Variants in ZCCHC24 observed in about 807,000 individuals in gnomAD.
ZCCHC24 encodes the protein zinc finger CCHC-type containing 24, also known as zinc finger CCHC domain-containing protein 24.
In ZCCHC24, 10 loss-of-function variants were observed where a neutral mutation model predicts 26.2. That is an observed-to-expected ratio of 0.38 (90% confidence interval 0.24 to 0.65). ZCCHC24 has a LOEUF of 0.65. Among genes scored for constraint, ZCCHC24 ranks in the 30% least tolerant of loss-of-function variants. The probability of loss-of-function intolerance (pLI) is 0.54; values close to 1 mark genes in which losing one functional copy is unlikely to be tolerated. For missense variants in ZCCHC24, 243 were observed against 329.1 expected (o/e 0.74, Z 2.03); for synonymous variants, 144 against 147.1 (o/e 0.98, Z 0.15).
In ZCCHC24 at chr10:79,385,588, A is replaced by G; in HGVS notation, c.*757T>C. On this transcript the variant is annotated 3_prime_UTR_variant, in exon 4 of 4. Coordinates refer to ENST00000372336, the MANE Select transcript of ZCCHC24 (RefSeq NM_153367.4). The surrounding 1 kb of genome is among the most constrained non-coding windows in gnomAD (Gnocchi z 4.3). The stretch of plus-strand genomic sequence containing the variant: ...CCAGAGTGGGTGGGAGGCAGAGGGG[A>G]AGGAAAGGGAGTGGGGCTGACAAAA... 1 of 152,298 alleles carries G rather than the reference A, an allele frequency of 6.6e-6. No homozygotes were observed. Among genetic ancestry groups the G allele is most frequent in the Non-Finnish European group, 1.5e-5 (1 of 68,094 alleles). 9.4% of individuals were successfully genotyped at this position (152,298 alleles called of 1,614,324 possible). A position where few individuals can be genotyped will look rare whatever the true frequency, so the allele number is the denominator to read the frequency against.
At chr10:79,409,032 G>C (rs1365533579) in intron 2 of ZCCHC24, 1 of 152,254 alleles carries the variant, frequency 6.6e-6, no homozygotes, top group Non-Finnish European at 1.5e-5. Context: ...GGCAAGAATG[G>C]TGTGATTTTC....
chr10:79,390,037 A>T (rs1165610615), intron 3 of ZCCHC24, among the ~76,000 whole-genome samples: 2 of 152,028 alleles, frequency 1.3e-5, no homozygotes, highest in Non-Finnish European at 2.9e-5. Flanking sequence ...CTAATTGTTT[A>T]AAAAAAATTT....
intron 2 of ZCCHC24, among the ~76,000 whole-genome samples, chr10:79,419,286 T>G (rs1856908683): frequency 6.6e-6 from 1 of 152,226 alleles, no homozygotes; most frequent in African/African-American, 2.4e-5. Context: ...TACTGAGTGC[T>G]TGTGGGATGC....
intron 2 of ZCCHC24, among the ~76,000 whole-genome samples, chr10:79,403,042 G>A (rs986795193): frequency 6.6e-6 from 1 of 152,194 alleles, no homozygotes; most frequent in African/African-American, 2.4e-5. Flanking sequence ...CTCAGTCCAA[G>A]GCCTTCCAAA....
chr10:79,395,569 A>G (rs1856535339), intron 2 of ZCCHC24, among the ~76,000 whole-genome samples: 1 of 152,230 alleles, frequency 6.6e-6, no homozygotes, highest in Admixed American at 6.5e-5. Flanking sequence ...CCATATCAGC[A>G]TCAACAGAGT....
At chr10:79,443,436 C>A (rs1857315472) in intron 1 of ZCCHC24, among the ~76,000 whole-genome samples, 1 of 152,162 alleles carries the variant, frequency 6.6e-6, no homozygotes, top group Non-Finnish European at 1.5e-5. Context: ...GATTAGGGGT[C>A]CACACTTGAC....
intron 2 of ZCCHC24, among the ~76,000 whole-genome samples, chr10:79,428,154 T>C (rs1390589705): frequency 6.6e-6 from 1 of 152,226 alleles, no homozygotes; most frequent in Admixed American, 6.5e-5. Flanking sequence ...TTTAAAAATG[T>C]GGTATATACA....
At chr10:79,421,261 T>A (rs1478568667) in intron 2 of ZCCHC24, among the ~76,000 whole-genome samples, 2 of 152,208 alleles carry the variant, frequency 1.3e-5, no homozygotes, top group Non-Finnish European at 2.9e-5. Context: ...CTGTGCCAAG[T>A]GCTGGAAGAA....
intron 3 of ZCCHC24, among the ~76,000 whole-genome samples, chr10:79,392,116 C>T (rs1856487475): frequency 6.6e-6 from 1 of 152,042 alleles, no homozygotes; most frequent in Non-Finnish European, 1.5e-5. Context: ...GGTCATCATA[C>T]TTTTACAAAT....
chr10:79,398,770 G>A (rs1856583015), intron 2 of ZCCHC24, among the ~76,000 whole-genome samples: 1 of 152,220 alleles, frequency 6.6e-6, no homozygotes, highest in South Asian at 2.1e-4. Flanking sequence ...CCTGTGTGCT[G>A]GGCTTTATGC....
chr10:79,402,410 G>A (rs983964271), intron 2 of ZCCHC24, among the ~76,000 whole-genome samples: 9 of 152,154 alleles, frequency 5.9e-5, no homozygotes, highest in African/African-American at 2.2e-4. Flanking sequence ...CAAGTAGCTG[G>A]GACTATAGGT....
At chr10:79,442,054 C>A (rs1342247818) in intron 1 of ZCCHC24, among the ~76,000 whole-genome samples, 1 of 152,196 alleles carries the variant, frequency 6.6e-6, no homozygotes, top group Admixed American at 6.5e-5. Flanking sequence ...AGCCCAGCCC[C>A]TACTCCATCT....
At chr10:79,397,583 C>T (rs1003380831) in intron 2 of ZCCHC24, among the ~76,000 whole-genome samples, 13 of 152,194 alleles carry the variant, frequency 8.5e-5, no homozygotes, top group African/African-American at 3.1e-4. Flanking sequence ...CCCCATGTCT[C>T]CCCAGAAGCA....
At chr10:79,429,707 A>C (rs1857100860) in intron 2 of ZCCHC24, among the ~76,000 whole-genome samples, 1 of 152,222 alleles carries the variant, frequency 6.6e-6, no homozygotes, top group African/African-American at 2.4e-5. Flanking sequence ...TGAATTGTAC[A>C]CTTCAAATGG....
intron 2 of ZCCHC24, among the ~76,000 whole-genome samples, chr10:79,428,444 C>CAAGAT (rs1262735201): frequency 5.8e-5 from 3 of 51,626 alleles, no homozygotes; most frequent in Admixed American, 4.3e-4. Context: ...TTCAGTTTTG[C>CAAGAT]AAGATAAATT....
intron 3 of ZCCHC24, among the ~76,000 whole-genome samples, chr10:79,390,143 C>T (rs1197777775): frequency 2.0e-5 from 3 of 152,118 alleles, no homozygotes; most frequent in Non-Finnish European, 4.4e-5. Context: ...AGTGCTGGGA[C>T]TACAGGTATG....
At chr10:79,386,544 G>C in intron 3 of ZCCHC24, 86 bp from the exon 4 acceptor site, 1 of 1,090,896 alleles carries the variant, frequency 9.2e-7, no homozygotes, top group Non-Finnish European at 1.3e-6. Flanking sequence ...GACACACAGA[G>C]ACAGACAGGT....
intron 2 of ZCCHC24, 106 bp downstream of exon 2, chr10:79,432,452 G>T (rs1789359947): frequency 1.7e-6 from 2 of 1,201,666 alleles, no homozygotes; most frequent in African/African-American, 1.6e-5. Flanking sequence ...CCACTCATTG[G>T]TGGAAGGGGC....
chr10:79,391,028 GCC>G (rs749631319), intron 3 of ZCCHC24, among the ~76,000 whole-genome samples: 9 of 152,286 alleles, frequency 5.9e-5, no homozygotes, highest in Non-Finnish European at 1.3e-4. Context: ...AGGAGATAGA[GCC>G]CTGGGCGGTG....
Sources: gnomAD v4.1 joint callset for allele counts (sites outside exome capture counted in the v4.1 genomes callset) on GRCh38, gnomAD v4.1.1 for gene constraint, Gnocchi (gnomAD v3.1) non-coding constraint, MANE v1.5 for transcripts, NCBI Gene and HGNC (gene_info 2026-07-23, HGNC 2026-07-21) for gene names.